DNM1: variants seen among roughly 807,000 people sequenced by gnomAD.
DNM1 encodes the protein dynamin-1.
A neutral mutation model predicts 104.6 loss-of-function variants in DNM1; 29 were observed. That is an observed-to-expected ratio of 0.28 (90% CI 0.21 to 0.38). The LOEUF is 0.38. Among genes scored for constraint, DNM1 ranks in the 10% least tolerant of loss-of-function variants. DNM1 has a pLI of 1.00. For synonymous variants in DNM1, 445 were observed against 475.8 expected (o/e 0.94, Z 0.84); for missense variants, 640 against 1,189.4 (o/e 0.54, Z 6.79).
At chr9:128,216,649 A>C (rs1834622561) in intron 1 of DNM1, among the ~76,000 whole-genome samples, 1 of 152,102 alleles carries the variant, frequency 6.6e-6, no homozygotes, top group South Asian at 2.1e-4. Context: ...ACTTCCCCAG[A>C]CGTGAGGCAG....
intron 6 of DNM1, chr9:128,221,246 C>A (rs918159940): frequency 6.6e-6 from 1 of 152,052 alleles, no homozygotes; most frequent in African/African-American, 2.4e-5. Flanking sequence ...CACACCACCA[C>A]GCCTGGCTAA....
chr9:128,215,421 T>G (rs1006902590), intron 1 of DNM1, among the ~76,000 whole-genome samples: 1 of 152,244 alleles, frequency 6.6e-6, no homozygotes, highest in Admixed American at 6.5e-5. Context: ...GCAGGCCGCG[T>G]GAGGGCCTCA....
At chr9:128,233,393 C>T in intron 10 of DNM1, among the ~76,000 whole-genome samples, 1 of 152,096 alleles carries the variant, frequency 6.6e-6, no homozygotes, top group East Asian at 1.9e-4. Context: ...CCTTGCATGT[C>T]CCCCAGCCCT....
intron 6 of DNM1, among the ~76,000 whole-genome samples, chr9:128,221,805 A>T (rs1190665962): frequency 6.6e-6 from 1 of 152,148 alleles, no homozygotes; most frequent in Non-Finnish European, 1.5e-5. Context: ...AGGCAGGAGA[A>T]TTGCTTGAAA....
In DNM1 at chr9:128,220,893, C is replaced by CTT. The variant is rs1834938458; in HGVS notation, c.849+554_849+555dup. ...TCTTTTTTCTTTATTTGTTTTCTTT[C>CTT]TTTCTTTCTTTCTTTCTTTCTTTCT... On this transcript the variant is annotated intron_variant, in intron 6 of 21. Coordinates refer to ENST00000372923, the MANE Select transcript of DNM1 (RefSeq NM_004408.4). The surrounding 1 kb of genome is among the most constrained non-coding windows in gnomAD (Gnocchi z 5.2). Among the ~76,000 whole-genome samples, 1 of 92,748 alleles carries CTT rather than the reference C, an allele frequency of 1.1e-5. No homozygotes were observed. The highest frequency in any genetic ancestry group is 2.7e-5 in the Non-Finnish European group (1 of 37,242). The allele number at this position is 92,748 out of a possible 152,430, so 60.8% of individuals were successfully genotyped here.
In DNM1 at chr9:128,248,080, A is replaced by G. The variant is rs1481217148; in HGVS notation, c.1905+145A>G. The G allele has an allele frequency of 2.0e-5, 22 of 1,117,334 alleles. No homozygotes were observed. The highest frequency in any genetic ancestry group is 4.6e-5 in the African/African-American group (3 of 65,162). 69.2% of individuals were successfully genotyped at this position (1,117,334 alleles called of 1,614,324 possible). A position where few individuals can be genotyped will look rare whatever the true frequency, so the allele number is the denominator to read the frequency against. On this transcript the variant is annotated intron_variant, in intron 18 of 21. Transcript: ENST00000372923. The surrounding 1 kb of genome is among the most constrained non-coding windows in gnomAD (Gnocchi z 5.6). Reference sequence around the variant, plus strand: ...GCAGTGGCTCACACCTGTAAACCCAACACTTTGGGAGGCCGAGGTGGGCGG... The same window carrying G: ...GCAGTGGCTCACACCTGTAAACCCAGCACTTTGGGAGGCCGAGGTGGGCGG...
Position 128,248,567 on chromosome 9 carries a change from G to T in DNM1, c.1906-16G>T. The T allele has an allele frequency of 1.9e-6, 3 of 1,610,412 alleles. No homozygotes were observed. The highest frequency in any genetic ancestry group is 2.5e-6 in the Non-Finnish European group (3 of 1,177,054). On this transcript the variant is annotated splice_polypyrimidine_tract_variant and intron_variant, in intron 18 of 21. Transcript: ENST00000372923. This position sits in a 1 kb window ranked among gnomAD's most constrained non-coding sequence, Gnocchi z 5.6. ...CATGGCCTGGCCACCTGATGCCCTT[G>T]TGTTCTCCATGGCAGGCCAGCGAGA...
intron 1 of DNM1, among the ~76,000 whole-genome samples, chr9:128,215,074 GA>G (rs386738709): frequency 2.0e-4 from 30 of 152,372 alleles, no homozygotes; most frequent in African/African-American, 7.0e-4. Context: ...TGCCAGGCAG[GA>G]ACCCGGAAGT....
chr9:128,239,640 A>T lies in DNM1; in HGVS notation c.1494-88A>T, dbSNP rs1156369406. ...TGTAGAGCCCAGGTCTGCTAGGTTA[A>T]CCCTCTGGGTCCTGTGCCCACTAAG... On this transcript the variant is annotated intron_variant, in intron 12 of 21. Coordinates refer to ENST00000372923, the MANE Select transcript of DNM1 (RefSeq NM_004408.4). 7.7e-6 allele frequency: 11 copies of T among 1,421,992 alleles called. No individual in the cohort carries two copies. The Admixed American group carries it at 1.9e-4, about 25-fold the overall frequency. 88.1% of individuals were successfully genotyped at this position (1,421,992 alleles called of 1,614,324 possible).
At chr9:128,252,655 A>G (rs1331928213) in intron 21 of DNM1, 2 of 439,268 alleles carry the variant, frequency 4.6e-6, no homozygotes, top group Non-Finnish European at 9.1e-6. Flanking sequence ...TGCTGTGGGC[A>G]GTAGGGAACC....
Position 128,247,358 on chromosome 9 carries a change from C to G in DNM1, c.1782-17C>G. 6.3e-7 allele frequency: 1 copy of G among 1,587,330 alleles called. No individual in the cohort carries two copies. The highest frequency in any genetic ancestry group is 8.6e-7 in the Non-Finnish European group (1 of 1,158,600). ...AGACTTTGCCCATCTGCCCTCACTG[C>G]CTGCCCTATCTTGCAGGAATGTCTA... On this transcript the variant is annotated splice_polypyrimidine_tract_variant and intron_variant, in intron 16 of 21. Coordinates refer to ENST00000372923, the MANE Select transcript of DNM1 (RefSeq NM_004408.4). This position sits in a 1 kb window ranked among gnomAD's most constrained non-coding sequence, Gnocchi z 5.1.
intron 10 of DNM1, chr9:128,225,984 C>T (rs1007951486): frequency 1.3e-6 from 2 of 1,590,114 alleles, no homozygotes; most frequent in African/African-American, 2.7e-5. Context: ...CACTTCTCCT[C>T]CCCACCCACG....
chr9:128,227,350 T>C (rs1293108693), intron 10 of DNM1, among the ~76,000 whole-genome samples: 2 of 150,744 alleles, frequency 1.3e-5, no homozygotes, highest in African/African-American at 2.4e-5. Flanking sequence ...CCTTGTATGT[T>C]GCTACATAAA....
chr9:128,240,182 G>A lies in DNM1; in HGVS notation c.1557+186G>A, dbSNP rs1378272239. Among the ~76,000 whole-genome samples the A allele has an allele frequency of 2.0e-5, 3 of 152,172 alleles. No homozygotes were observed. Among genetic ancestry groups the A allele is most frequent in the Admixed American group, 6.5e-5 (1 of 15,280 alleles). Reference sequence around the variant, plus strand: ...CAGCCGCATCCACCCGTCCATCTGTGTGCACGAGCCAAGCACCTACTTCAG... The same window carrying A: ...CAGCCGCATCCACCCGTCCATCTGTATGCACGAGCCAAGCACCTACTTCAG... On this transcript the variant is annotated intron_variant, in intron 14 of 21. Transcript: ENST00000372923. This position sits in a 1 kb window ranked among gnomAD's most constrained non-coding sequence, Gnocchi z 5.1.
intron 6 of DNM1, chr9:128,221,039 C>T (rs1834985427): frequency 5.7e-5 from 7 of 123,060 alleles, no homozygotes; most frequent in African/African-American, 2.5e-4. Context: ...CTTTCTTTCT[C>T]TCTTTCTTTC....
At position 128,203,495 on chromosome 9, in the gene DNM1, C is replaced by A; in HGVS notation, c.25C>A (p.Leu9Ile). ...CATGGGCAACCGCGGCATGGAAGAT[C>A]TCATCCCGCTGGTCAACCGGCTGCA... MGNRGMED[L>I]IPLVNRLQDA... The change falls in exon 1 of 22, where the codon CTC becomes ATC. Residue 9 changes from leucine (L) to isoleucine (I), a missense_variant. Leu to Ile is a conservative substitution (Grantham distance 5). This residue lies in a region of DNM1 where 172 missense variants were observed against 335.3 expected (regional missense o/e 0.51). Coordinates refer to ENST00000372923, the MANE Select transcript of DNM1 (RefSeq NM_004408.4). The surrounding 1 kb of genome is among the most constrained non-coding windows in gnomAD (Gnocchi z 5.3). 6.5e-7 allele frequency: 1 copy of A among 1,530,574 alleles called. No individual in the cohort carries two copies. Among genetic ancestry groups the A allele is most frequent in the Non-Finnish European group, 8.8e-7 (1 of 1,142,082 alleles). The allele number at this position is 1,530,574 out of a possible 1,614,324, so 94.8% of individuals were successfully genotyped here.
intron 10 of DNM1, among the ~76,000 whole-genome samples, chr9:128,231,093 A>T (rs898820323): frequency 2.0e-5 from 3 of 150,750 alleles, no homozygotes; most frequent in African/African-American, 7.3e-5. Context: ...ATGCGCCACC[A>T]TGCCCTGCCG....
rs752790358 is a variant in DNM1 at position 128,222,639 on chromosome 9, C to A, written c.1128+43C>A. On this transcript the variant is annotated intron_variant, in intron 8 of 21. Coordinates refer to ENST00000372923, the MANE Select transcript of DNM1 (RefSeq NM_004408.4). The surrounding 1 kb of genome is among the most constrained non-coding windows in gnomAD (Gnocchi z 7.8). ...GGGGACAGGATGGCTCAGGACTCCCCCCACCCTCACTCAGGACTCTCTCTG... is the reference window on the plus strand; with the variant it reads ...GGGGACAGGATGGCTCAGGACTCCCACCACCCTCACTCAGGACTCTCTCTG... 3.1e-6 allele frequency: 5 copies of A among 1,611,084 alleles called. No individual in the cohort carries two copies. Among genetic ancestry groups the A allele is most frequent in the Non-Finnish European group, 4.2e-6 (5 of 1,177,892 alleles).
Position 128,222,795 on chromosome 9 carries a change from G to A in DNM1, c.1131G>A (p.Met377Ile), listed in dbSNP as rs1247269957. ...HERFPFELVK[M>I]EFDEKELRRE... is the part of the protein sequence containing the mutation. ...CTTTTCTCTGCTTTTCTACACAGAT[G>A]GAGTTTGATGAGAAGGAACTCCGAA... Residue 377 changes from methionine to isoleucine, a missense_variant and splice_region_variant, in exon 9 of 22, where the codon ATG (methionine) becomes ATA (isoleucine). Met to Ile is a conservative substitution (Grantham distance 10). Around this residue, in one of 7 missense-constraint regions of DNM1, gnomAD observed 38 missense variants for 113.5 expected, o/e 0.33. Coordinates refer to ENST00000372923, the MANE Select transcript of DNM1 (RefSeq NM_004408.4). The surrounding 1 kb of genome is among the most constrained non-coding windows in gnomAD (Gnocchi z 7.8). 1.2e-6 allele frequency: 2 copies of A among 1,614,114 alleles called. No individual in the cohort carries two copies. The highest frequency in any genetic ancestry group is 8.5e-7 in the Non-Finnish European group (1 of 1,180,006).
Sources: allele counts gnomAD v4.1 joint callset (sites outside exome capture counted in the v4.1 genomes callset), GRCh38; gene constraint gnomAD v4.1.1; regional missense constraint gnomAD v4.1.1; non-coding constraint Gnocchi (gnomAD v3.1); transcripts MANE v1.5; gene names NCBI Gene and HGNC (gene_info 2026-07-23, HGNC 2026-07-21).